Variants in NPAS3 observed in about 807,000 individuals in gnomAD.
NPAS3 encodes the protein neuronal PAS domain-containing protein 3.
In NPAS3, 14 loss-of-function variants were observed where a neutral mutation model predicts 73.1. The observed-to-expected ratio is 0.19, with a 90% CI of 0.13 to 0.30. The LOEUF (loss-of-function observed/expected upper bound fraction) is 0.30. Ranked by LOEUF, NPAS3 falls within the 10% of genes least tolerant of loss-of-function variation. NPAS3 has a pLI of 1.00. For missense variants in NPAS3, 1,096 were observed against 1,250.0 expected, an observed-to-expected ratio of 0.88 and a Z score of 1.86; for synonymous variants, 620 against 541.5, an observed-to-expected ratio of 1.14 and a Z score of -2.01.
chr14:33,691,326 G>A (rs546456176), intron 6 of NPAS3, among the ~76,000 whole-genome samples: 11 of 152,248 alleles, frequency 7.2e-5, no homozygotes, highest in Middle Eastern at 3.4e-3. Flanking sequence ...AAAGATGATC[G>A]TTATTCCAAA....
intron 4 of NPAS3, among the ~76,000 whole-genome samples, chr14:33,482,379 G>A (rs113247885): frequency 2.6e-5 from 4 of 152,144 alleles, no homozygotes; most frequent in East Asian, 1.9e-4. Flanking sequence ...TTAAACCATC[G>A]TATATACACT....
rs182457219 is a variant in NPAS3, at chr14:33,743,202, A to G, written c.852+7870A>G. Among the ~76,000 whole-genome samples, 74 of 152,326 alleles carry G rather than the reference A, an allele frequency of 4.9e-4. 2 individuals carry two copies. The East Asian group carries it at 0.013, about 28-fold the overall frequency. Reference sequence around the variant, plus strand: ...AGATTCATCAGAGGAAGCACTATCTATGGCAGCTATAGCCTTACAAAACAT... The same window carrying G: ...AGATTCATCAGAGGAAGCACTATCTGTGGCAGCTATAGCCTTACAAAACAT... On this transcript the variant is annotated intron_variant, in intron 7 of 11. Coordinates refer to ENST00000356141, the Ensembl canonical transcript of NPAS3.
intron 2 of NPAS3, among the ~76,000 whole-genome samples, chr14:33,145,252 T>C (rs1465583956): frequency 6.6e-6 from 1 of 152,182 alleles, no homozygotes; most frequent in East Asian, 1.9e-4. Context: ...CATTTAGGAA[T>C]GTCTTTCTTT....
At chr14:33,286,170 G>C (rs901856922) in intron 3 of NPAS3, among the ~76,000 whole-genome samples, 1 of 152,104 alleles carries the variant, frequency 6.6e-6, no homozygotes, top group African/African-American at 2.4e-5. Flanking sequence ...AATGGCTATA[G>C]CAGGGCTCAC....
intron 3 of NPAS3, among the ~76,000 whole-genome samples, chr14:33,331,984 A>G (rs1217971461): frequency 6.6e-6 from 1 of 152,192 alleles, no homozygotes; most frequent in African/African-American, 2.4e-5. Flanking sequence ...CCTGGGGAAA[A>G]CACCTACTTG....
chr14:33,068,926 G>A (rs1322009590), intron 2 of NPAS3, among the ~76,000 whole-genome samples: 1 of 152,108 alleles, frequency 6.6e-6, no homozygotes, highest in East Asian at 1.9e-4. Context: ...GGTCAGGGAG[G>A]CAACAGCACA....
At chr14:33,183,431 T>G (rs1033201165) in intron 2 of NPAS3, among the ~76,000 whole-genome samples, 3 of 50,086 alleles carry the variant, frequency 6.0e-5, no homozygotes, top group Admixed American at 2.4e-4. Flanking sequence ...GTTTTTTTTT[T>G]TTTTTTTTTT....
At chr14:33,170,278 T>C (rs770186959) in intron 2 of NPAS3, among the ~76,000 whole-genome samples, 1 of 152,224 alleles carries the variant, frequency 6.6e-6, no homozygotes, top group Non-Finnish European at 1.5e-5. Flanking sequence ...TAGCCTTATG[T>C]CTATAAAAAA....
intron 5 of NPAS3, among the ~76,000 whole-genome samples, chr14:33,671,921 G>A (rs75835803): frequency 0.027 from 4,055 of 152,130 alleles, 153 homozygotes; most frequent in East Asian, 0.1. Flanking sequence ...TTGGAGGGGG[G>A]AAAGCTCTAC....
At chr14:33,276,211 T>A (rs1594577016) in intron 3 of NPAS3, among the ~76,000 whole-genome samples, 1 of 152,250 alleles carries the variant, frequency 6.6e-6, no homozygotes, top group East Asian at 1.9e-4. Flanking sequence ...GGATATACTA[T>A]TTCTGTGACT....
At chr14:33,128,375 T>C (rs10139424) in intron 2 of NPAS3, among the ~76,000 whole-genome samples, 73,076 of 152,038 alleles carry the variant, frequency 0.48, 17,772 homozygotes, top group East Asian at 0.57. Flanking sequence ...TGGAGGAAAC[T>C]GGAAGAGATT....
intron 5 of NPAS3, among the ~76,000 whole-genome samples, chr14:33,573,473 T>A (rs1445652950): frequency 6.6e-6 from 1 of 152,182 alleles, no homozygotes; most frequent in African/African-American, 2.4e-5. Context: ...GAAGATAGAA[T>A]GTGGATGACT....
chr14:33,575,176 C>G (rs1464244744), intron 5 of NPAS3, among the ~76,000 whole-genome samples: 1 of 152,176 alleles, frequency 6.6e-6, no homozygotes, highest in Non-Finnish European at 1.5e-5. Flanking sequence ...ATGCAATTAA[C>G]TTTTACCATT....
chr14:33,488,379 A>G (rs2051715059), intron 4 of NPAS3, among the ~76,000 whole-genome samples: 1 of 151,876 alleles, frequency 6.6e-6, no homozygotes. Flanking sequence ...TGTACAATGG[A>G]AAGCATGCAA....
intron 2 of NPAS3, among the ~76,000 whole-genome samples, chr14:33,212,266 T>C (rs1031427619): frequency 3.9e-5 from 6 of 152,206 alleles, no homozygotes; most frequent in African/African-American, 1.4e-4. Flanking sequence ...AACCAATTAC[T>C]ACTTATTACA....
intron 8 of NPAS3, among the ~76,000 whole-genome samples, chr14:33,776,522 A>T (rs947310623): frequency 1.1e-3 from 9 of 8,436 alleles, no homozygotes; most frequent in African/African-American, 3.3e-3. Context: ...TCTTCCTCTT[A>T]AAAAAAAAAA....
At chr14:33,359,222 G>A (rs1196052314) in intron 3 of NPAS3, among the ~76,000 whole-genome samples, 1 of 152,206 alleles carries the variant, frequency 6.6e-6, no homozygotes, top group East Asian at 1.9e-4. Context: ...AGAAACATAA[G>A]CTGTTTCCTG....
At chr14:33,321,407 A>G (rs1338376195) in intron 3 of NPAS3, among the ~76,000 whole-genome samples, 1 of 152,022 alleles carries the variant, frequency 6.6e-6, no homozygotes, top group Non-Finnish European at 1.5e-5. Flanking sequence ...TCCTGAAATA[A>G]CCTGGGTAAG....
intron 6 of NPAS3, among the ~76,000 whole-genome samples, chr14:33,689,246 G>C (rs1249580872): frequency 1.3e-5 from 2 of 152,214 alleles, no homozygotes; most frequent in East Asian, 3.8e-4. Context: ...GTCTAGATTG[G>C]AGAATAATGT....
Sources: allele counts gnomAD v4.1 joint callset (sites outside exome capture counted in the v4.1 genomes callset), GRCh38; gene constraint gnomAD v4.1.1; transcripts MANE v1.5; gene names NCBI Gene and HGNC (gene_info 2026-07-23, HGNC 2026-07-21).